SLC38A7: variants seen among roughly 807,000 people sequenced by gnomAD.
SLC38A7 encodes sodium-coupled neutral amino acid transporter 7.
SLC38A7 carries 29 observed loss-of-function variants against 50.1 expected under a neutral mutation model. The ratio of observed to expected loss-of-function variants is 0.58; its 90% CI spans 0.43 to 0.79. The LOEUF (loss-of-function observed/expected upper bound fraction) is 0.79, where lower values mean the gene tolerates loss of function less well. Among genes scored for constraint, SLC38A7 ranks in the 30% least tolerant of loss-of-function variants. The pLI is 0.00. For missense variants in SLC38A7, 483 were observed against 610.6 expected (o/e 0.79, Z 2.20); for synonymous variants, 244 against 245.9 (o/e 0.99, Z 0.07).
chr16:58,678,668 T>A lies in SLC38A7; in HGVS notation c.469+28A>T, dbSNP rs914346001. 6.2e-7 allele frequency: 1 copy of A among 1,610,966 alleles called. No individual in the cohort carries two copies. The highest frequency in any genetic ancestry group is 8.5e-7 in the Non-Finnish European group (1 of 1,178,346). On this transcript the variant is annotated intron_variant, in intron 4 of 11. Coordinates refer to ENST00000219320, the MANE Select transcript of SLC38A7 (RefSeq NM_018231.3). This position sits in a 1 kb window ranked among gnomAD's most constrained non-coding sequence, Gnocchi z 4.0. ...GATCCCTGGGGCTGATAAGAAGAGA[T>A]GGGGTAGGGACTGAGGGAGAAGCTC... is the stretch of plus-strand genomic sequence containing the variant.
In SLC38A7 at chr16:58,672,137, C is replaced by T. The variant is rs1345087022; in HGVS notation, c.990G>A (p.Leu330=). The change falls in exon 9 of 12, where the codon CTG becomes CTA. Residue 330 remains leucine (L), a synonymous_variant. Coordinates refer to ENST00000219320, the MANE Select transcript of SLC38A7 (RefSeq NM_018231.3). ...GGATAGGGTAGGAGGTGAGCACGCT[C>T]AGGATGATGAAGGCTCGGGCAACGG... The part of the protein sequence containing the change: ...AVAVARAFII[L]SVLTSYPILH... 3.2e-6 allele frequency: 5 copies of T among 1,562,088 alleles called. No homozygotes were observed. The highest frequency in any genetic ancestry group is 1.7e-4 in the Middle Eastern group (1 of 5,992).
rs1349009948 is a variant in SLC38A7, at chr16:58,680,369, T to C, written c.-115-128A>G. ...CCCAGGTATGCCTCTGTGCAGACAG[T>C]GCACTGGGTGCCAGAGTATGGGGAG... On this transcript the variant is annotated intron_variant, in intron 2 of 11. Transcript: ENST00000219320. The C allele has an allele frequency of 7.5e-6, 3 of 400,880 alleles. No individual in the cohort carries two copies. The East Asian group carries it at 1.1e-4, about 15-fold the overall frequency. The allele number at this position is 400,880 out of a possible 1,614,324, so 24.8% of individuals were successfully genotyped here. A position where few individuals can be genotyped will look rare whatever the true frequency, so the allele number is the denominator to read the frequency against.
chr16:58,674,832 A>G (rs1186251070), intron 8 of SLC38A7, among the ~76,000 whole-genome samples: 1 of 151,922 alleles, frequency 6.6e-6, no homozygotes, highest in African/African-American at 2.4e-5. Flanking sequence ...AACTCAGGGG[A>G]TCCTTCTTCC....
rs1224800278 is a variant in SLC38A7, at chr16:58,679,939, G to A, written c.188C>T (p.Ala63Val). ...TLGAIFIVVN[A>V]CLGAGLLNFP... ...GTTGAGTAACCCTGCACCCAGGCACGCGTTGACGACGATGAAGATGGCCCC... is the reference window on the plus strand; with the variant it reads ...GTTGAGTAACCCTGCACCCAGGCACACGTTGACGACGATGAAGATGGCCCC... Residue 63 changes from alanine (A) to valine (V), a missense_variant, in exon 3 of 12, where the codon GCG becomes GTG. Physicochemically the swap from Ala to Val is moderately conservative, Grantham distance 64. Transcript: ENST00000219320. The A allele has an allele frequency of 6.2e-7, 1 of 1,611,968 alleles. No homozygotes were observed. Among genetic ancestry groups the A allele is most frequent in the Non-Finnish European group, 8.5e-7 (1 of 1,178,598 alleles).
intron 10 of SLC38A7, among the ~76,000 whole-genome samples, chr16:58,670,730 G>T (rs148957487): frequency 6.6e-6 from 1 of 152,354 alleles, no homozygotes; most frequent in Non-Finnish European, 1.5e-5. Flanking sequence ...ACACCTGAAT[G>T]AATGGTTAAA....
At chr16:58,676,399 C>T (rs2044267711) in intron 6 of SLC38A7, 53 bp from the exon 7 acceptor site, 2 of 1,597,266 alleles carry the variant, frequency 1.3e-6, no homozygotes, top group Admixed American at 1.7e-5. Flanking sequence ...AGAGCCACAA[C>T]CCACCCCACG....
At chr16:58,679,514 G>A in intron 3 of SLC38A7, 1 of 504,404 alleles carries the variant, frequency 2.0e-6, no homozygotes, top group Non-Finnish European at 3.5e-6. Flanking sequence ...TGCATTTATT[G>A]TGAAGCCAAT....
chr16:58,682,371 A>T (rs1240942790), intron 2 of SLC38A7, among the ~76,000 whole-genome samples: 4 of 150,890 alleles, frequency 2.7e-5, no homozygotes, highest in African/African-American at 9.8e-5. Context: ...TCTGCCAAAG[A>T]CTCCTTCTCC....
At chr16:58,670,954 T>C (rs1307439294) in intron 10 of SLC38A7, 91 bp downstream of exon 10, 12 of 1,370,150 alleles carry the variant, frequency 8.8e-6, no homozygotes, top group African/African-American at 1.4e-5. Flanking sequence ...TACTCTCTCC[T>C]GCATGTTTTG....
intron 1 of SLC38A7, 195 bp downstream of exon 1, chr16:58,684,522 G>T: frequency 6.5e-6 from 1 of 152,706 alleles, no homozygotes; most frequent in Non-Finnish European, 1.5e-5. Flanking sequence ...CTAGGACTGG[G>T]TGGAGACCCT....
intron 2 of SLC38A7, among the ~76,000 whole-genome samples, chr16:58,683,410 C>T (rs917216970): frequency 1.3e-5 from 2 of 152,184 alleles, no homozygotes; most frequent in African/African-American, 4.8e-5. Context: ...GTGCTCTCAG[C>T]CATCTGTTAT....
At chr16:58,679,655 TTC>T (rs1288071005) in intron 3 of SLC38A7, 200 bp downstream of exon 3, 2 of 608,082 alleles carry the variant, frequency 3.3e-6, no homozygotes. Flanking sequence ...ATGTTCAAAT[TTC>T]TCTGATTGTT....
intron 6 of SLC38A7, 79 bp from the exon 7 acceptor site, chr16:58,676,425 C>G: frequency 6.6e-7 from 1 of 1,505,036 alleles, no homozygotes; most frequent in South Asian, 1.1e-5. Flanking sequence ...ACTCTTCGGT[C>G]AGCCCACCAT....
chr16:58,667,558 A>T (rs1332612394), intron 11 of SLC38A7, 71 bp from the exon 12 acceptor site: 15 of 1,107,496 alleles, frequency 1.4e-5, no homozygotes, highest in Non-Finnish European at 1.9e-5. Context: ...AATATATATA[A>T]CTGTTAATTA....
intron 2 of SLC38A7, among the ~76,000 whole-genome samples, chr16:58,680,773 T>A (rs1387931486): frequency 1.3e-5 from 2 of 152,208 alleles, no homozygotes; most frequent in Non-Finnish European, 2.9e-5. Flanking sequence ...CTGAATTCTG[T>A]GGCTTTCGAG....
rs2044319661 is a variant in SLC38A7, at chr16:58,678,613, G to A, written c.469+83C>T. 1 of 1,576,310 alleles carries A rather than the reference G, an allele frequency of 6.3e-7. No individual in the cohort carries two copies. The highest frequency in any genetic ancestry group is 1.1e-5 in the South Asian group (1 of 89,240). Reference sequence around the variant, plus strand: ...GCTGGGCCCAGGTAAGTCCTGGAGAGGTGTTCAGTGCCTTTTCCCTCCACC... The same window carrying A: ...GCTGGGCCCAGGTAAGTCCTGGAGAAGTGTTCAGTGCCTTTTCCCTCCACC... On this transcript the variant is annotated intron_variant, in intron 4 of 11. Coordinates refer to ENST00000219320, the MANE Select transcript of SLC38A7 (RefSeq NM_018231.3). This position sits in a 1 kb window ranked among gnomAD's most constrained non-coding sequence, Gnocchi z 4.0.
At chr16:58,671,598 C>T (rs1163553189) in intron 9 of SLC38A7, 1 of 324,044 alleles carries the variant, frequency 3.1e-6, no homozygotes, top group Non-Finnish European at 5.8e-6. Flanking sequence ...GTCTGGCTCT[C>T]TCACCCAGGC....
chr16:58,667,554 T>A, intron 11 of SLC38A7, 67 bp from the exon 12 acceptor site: 3 of 1,206,832 alleles, frequency 2.5e-6, no homozygotes, highest in Non-Finnish European at 3.5e-6. Flanking sequence ...CTTCAATATA[T>A]ATAACTGTTA....
intron 2 of SLC38A7, 66 bp from the exon 3 acceptor site, chr16:58,680,307 T>C: frequency 1.6e-6 from 1 of 640,504 alleles, no homozygotes; most frequent in Non-Finnish European, 2.3e-6. Flanking sequence ...CAAAAAGGTG[T>C]AATAACTTTC....
Sources: allele counts gnomAD v4.1 joint callset (sites outside exome capture counted in the v4.1 genomes callset), GRCh38; gene constraint gnomAD v4.1.1; non-coding constraint Gnocchi (gnomAD v3.1); transcripts MANE v1.5; gene names NCBI Gene and HGNC (gene_info 2026-07-23, HGNC 2026-07-21).